Variants in CHL1 observed in about 807,000 individuals in gnomAD.
CHL1 encodes neural cell adhesion molecule L1-like protein.
CHL1 carries 96 observed loss-of-function variants against 141.9 expected under a neutral mutation model. The ratio of observed to expected loss-of-function variants is 0.68; its 90% CI spans 0.57 to 0.80. The LOEUF (loss-of-function observed/expected upper bound fraction) is 0.80. Among genes scored for constraint, CHL1 ranks in the 30% least tolerant of loss-of-function variants. CHL1 has a pLI of 0.00. For synonymous variants in CHL1, 613 were observed against 502.2 expected, an observed-to-expected ratio of 1.22 and a Z score of -2.95; for missense variants, 1,820 against 1,457.2, an observed-to-expected ratio of 1.25 and a Z score of -4.05.
chr3:348,732 C>T (rs891316062), intron 9 of CHL1, among the ~76,000 whole-genome samples: 1 of 152,188 alleles, frequency 6.6e-6, no homozygotes, highest in African/African-American at 2.4e-5. Flanking sequence ...TTGGTTCATT[C>T]CTCCTTTCCT....
chr3:287,416 C>G (rs1697261293), intron 2 of CHL1, among the ~76,000 whole-genome samples: 1 of 152,150 alleles, frequency 6.6e-6, no homozygotes, highest in African/African-American at 2.4e-5. Context: ...ATTCGATTGT[C>G]TTTTCACCTG....
At chr3:241,770 C>T (rs1474985489) in intron 1 of CHL1, among the ~76,000 whole-genome samples, 2 of 151,962 alleles carry the variant, frequency 1.3e-5, no homozygotes, top group Non-Finnish European at 2.9e-5. Context: ...ATATTCCTCT[C>T]CATTCTTGTT....
chr3:214,692 T>C (rs528825780), intron 1 of CHL1, among the ~76,000 whole-genome samples: 23 of 152,332 alleles, frequency 1.5e-4, no homozygotes, highest in African/African-American at 5.3e-4. Context: ...CCTTACATAA[T>C]GTATCCCTCT....
intron 1 of CHL1, among the ~76,000 whole-genome samples, chr3:198,384 A>G (rs1698594984): frequency 6.6e-6 from 1 of 151,584 alleles, no homozygotes; most frequent in Non-Finnish European, 1.5e-5. Flanking sequence ...GTGCGCGGGG[A>G]GATTTGCGCG....
intron 1 of CHL1, among the ~76,000 whole-genome samples, chr3:222,851 A>T (rs1700976887): frequency 1.3e-5 from 2 of 152,160 alleles, no homozygotes; most frequent in Admixed American, 1.3e-4. Flanking sequence ...CTTCCAGGGA[A>T]TCATATTTTG....
Position 408,486 on chromosome 3 carries a change from T to C in CHL1, c.*2775T>C, listed in dbSNP as rs1709668685. On this transcript the variant is annotated 3_prime_UTR_variant, in exon 28 of 28. Transcript: ENST00000256509. Reference sequence around the variant, plus strand: ...TCTAAAGTGCTAATAATAATCTCAGTTACCTTATCTTTGTCACAGGGTGTT... The same window carrying C: ...TCTAAAGTGCTAATAATAATCTCAGCTACCTTATCTTTGTCACAGGGTGTT... 1 of 152,170 alleles carries C rather than the reference T, an allele frequency of 6.6e-6. No homozygotes were observed. Among genetic ancestry groups the C allele is most frequent in the Non-Finnish European group, 1.5e-5 (1 of 68,018 alleles). 9.4% of individuals were successfully genotyped at this position (152,170 alleles called of 1,614,324 possible). A position where few individuals can be genotyped will look rare whatever the true frequency, so the allele number is the denominator to read the frequency against.
intron 18 of CHL1, 128 bp from the exon 19 acceptor site, chr3:383,688 C>A: frequency 1.8e-6 from 1 of 546,978 alleles, no homozygotes; most frequent in Non-Finnish European, 3.3e-6. Context: ...GGAACTGGAC[C>A]AGATATAAAT....
chr3:346,594 G>A (rs1348170785), intron 9 of CHL1, among the ~76,000 whole-genome samples: 1 of 152,128 alleles, frequency 6.6e-6, no homozygotes, highest in Non-Finnish European at 1.5e-5. Context: ...AGTCATGAAG[G>A]AATATATAAA....
intron 1 of CHL1, among the ~76,000 whole-genome samples, chr3:226,903 A>C (rs750879669): frequency 1.3e-5 from 2 of 152,208 alleles, no homozygotes; most frequent in Admixed American, 1.3e-4. Context: ...ACAGAATAAG[A>C]AGGGCATATT....
intron 2 of CHL1, among the ~76,000 whole-genome samples, chr3:285,523 G>T (rs1312966786): frequency 6.6e-6 from 1 of 152,094 alleles, no homozygotes; most frequent in Non-Finnish European, 1.5e-5. Context: ...TTCTAGCCTG[G>T]TACTTAAAAT....
intron 1 of CHL1, among the ~76,000 whole-genome samples, chr3:231,550 A>C (rs1369750870): frequency 6.7e-6 from 1 of 150,092 alleles, no homozygotes; most frequent in Admixed American, 6.7e-5. Flanking sequence ...AGTTGGGAGT[A>C]CATGTTTTAA....
chr3:275,053 G>A (rs947525472), intron 2 of CHL1, among the ~76,000 whole-genome samples: 8 of 151,874 alleles, frequency 5.3e-5, no homozygotes, highest in African/African-American at 1.7e-4. Flanking sequence ...CTGCAACTTC[G>A]TTGCCTAGCA....
chr3:208,992 T>C (rs973518183), intron 1 of CHL1, among the ~76,000 whole-genome samples: 8 of 152,322 alleles, frequency 5.3e-5, no homozygotes, highest in African/African-American at 1.9e-4. Flanking sequence ...ATTTCAGTAC[T>C]GCAAATAAAA....
intron 16 of CHL1, among the ~76,000 whole-genome samples, chr3:378,428 T>C (rs540945456): frequency 6.6e-6 from 1 of 152,148 alleles, no homozygotes; most frequent in Non-Finnish European, 1.5e-5. Flanking sequence ...ATGTCTTTGA[T>C]TTTTGTCGTT....
At chr3:324,272 T>C (rs1041975030) in intron 3 of CHL1, among the ~76,000 whole-genome samples, 4 of 152,124 alleles carry the variant, frequency 2.6e-5, no homozygotes, top group Admixed American at 1.3e-4. Flanking sequence ...ATAGTACTTA[T>C]TTAAGTTAGG....
chr3:269,368 AATCAGT>A (rs1695436361), intron 2 of CHL1, among the ~76,000 whole-genome samples: 1 of 152,186 alleles, frequency 6.6e-6, no homozygotes, highest in African/African-American at 2.4e-5. Flanking sequence ...TAGTTAACTG[AATCAGT>A]AATGAACTTC....
intron 15 of CHL1, among the ~76,000 whole-genome samples, chr3:375,350 T>G (rs565746154): frequency 6.6e-6 from 1 of 152,058 alleles, no homozygotes; most frequent in South Asian, 2.1e-4. Context: ...GATATACTGA[T>G]AACTAGGAGG....
intron 25 of CHL1, 72 bp from the exon 26 acceptor site, chr3:398,945 T>C (rs1708896445): frequency 7.0e-7 from 1 of 1,436,482 alleles, no homozygotes; most frequent in African/African-American, 1.4e-5. Flanking sequence ...TGATGTCTAA[T>C]TTTCCCCAAT....
chr3:283,816 G>A (rs999696056), intron 2 of CHL1, among the ~76,000 whole-genome samples: 6 of 152,114 alleles, frequency 3.9e-5, no homozygotes, highest in African/African-American at 9.7e-5. Context: ...AAAAACATCC[G>A]TGGGGGAAAA....
Sources: gnomAD v4.1 joint callset for allele counts (sites outside exome capture counted in the v4.1 genomes callset) on GRCh38, gnomAD v4.1.1 for gene constraint, MANE v1.5 for transcripts, NCBI Gene and HGNC (gene_info 2026-07-23, HGNC 2026-07-21) for gene names.